The following PPM1H variants were observed in gnomAD, a reference collection of about 807,000 sequenced individuals.
PPM1H encodes the protein protein phosphatase, Mg2+/Mn2+ dependent 1H.
PPM1H carries 27 observed loss-of-function variants against 54.9 expected under a neutral mutation model. That is an observed-to-expected ratio of 0.49 (90% CI 0.36 to 0.68). The LOEUF is 0.68. Among genes scored for constraint, PPM1H ranks in the 30% least tolerant of loss-of-function variants. The pLI, the probability that PPM1H is intolerant of heterozygous loss-of-function variation, is 0.00. For synonymous variants in PPM1H, 305 were observed against 270.8 expected (o/e 1.13, Z -1.24); for missense variants, 596 against 667.8 (o/e 0.89, Z 1.19).
intron 1 of PPM1H, among the ~76,000 whole-genome samples, chr12:62,898,712 G>T (rs1335912691): frequency 6.6e-6 from 1 of 152,098 alleles, no homozygotes; most frequent in African/African-American, 2.4e-5. Flanking sequence ...AATTTATTTG[G>T]TAATTACCAA....
chr12:62,825,120 AACAC>A (rs1384142911), intron 2 of PPM1H, among the ~76,000 whole-genome samples: 5 of 152,224 alleles, frequency 3.3e-5, no homozygotes, highest in Admixed American at 3.3e-4. Context: ...TTATGCAGCC[AACAC>A]ACACATGAAA....
chr12:62,684,411 GA>G (rs1205024557), intron 8 of PPM1H, among the ~76,000 whole-genome samples: 3 of 152,218 alleles, frequency 2.0e-5, no homozygotes, highest in African/African-American at 7.2e-5. Flanking sequence ...CAGCGAAACT[GA>G]AAATGTGTTT....
intron 4 of PPM1H, chr12:62,756,010 G>A: frequency 7.2e-7 from 1 of 1,394,212 alleles, no homozygotes; most frequent in Non-Finnish European, 1.0e-6. Context: ...CAAGAAGGTG[G>A]TGAAGCAGGC....
chr12:62,701,680 G>GT (rs59870131), intron 6 of PPM1H, among the ~76,000 whole-genome samples: 2,719 of 143,462 alleles, frequency 0.019, 30 homozygotes, highest in Non-Finnish European at 0.026. Flanking sequence ...TTGTTTGTTT[G>GT]TTTTTTTTTT....
chr12:62,872,935 A>G (rs1870035690), intron 1 of PPM1H, among the ~76,000 whole-genome samples: 1 of 152,252 alleles, frequency 6.6e-6, no homozygotes, highest in Non-Finnish European at 1.5e-5. Flanking sequence ...ACATTTTCAA[A>G]GCATGTTTAT....
chr12:62,842,330 A>G (rs534245892), intron 1 of PPM1H, among the ~76,000 whole-genome samples: 3 of 152,316 alleles, frequency 2.0e-5, no homozygotes, highest in African/African-American at 7.2e-5. Context: ...AAATTTTTTT[A>G]AACAAAAAAT....
At chr12:62,690,288 G>A (rs1485986519) in intron 7 of PPM1H, among the ~76,000 whole-genome samples, 1 of 152,132 alleles carries the variant, frequency 6.6e-6, no homozygotes, top group Non-Finnish European at 1.5e-5. Context: ...CCTTAGTCCT[G>A]TGATATGTAC....
At chr12:62,661,075 T>C (rs1275918393) in intron 9 of PPM1H, among the ~76,000 whole-genome samples, 1 of 152,176 alleles carries the variant, frequency 6.6e-6, no homozygotes, top group African/African-American at 2.4e-5. Context: ...TCTGTTGACA[T>C]TCTGCTCCCC....
At chr12:62,823,735 G>T (rs192968874) in intron 2 of PPM1H, among the ~76,000 whole-genome samples, 69 of 152,186 alleles carry the variant, frequency 4.5e-4, no homozygotes, top group African/African-American at 1.3e-3. Context: ...ACCAGGTATC[G>T]ATGTAACTTA....
At chr12:62,858,605 C>T (rs949213522) in intron 1 of PPM1H, among the ~76,000 whole-genome samples, 8 of 152,304 alleles carry the variant, frequency 5.3e-5, no homozygotes, top group Middle Eastern at 3.4e-3. Context: ...TATAGTGTCC[C>T]GGCAGGTCTG....
At chr12:62,845,984 C>T (rs556620886) in intron 1 of PPM1H, among the ~76,000 whole-genome samples, 3 of 152,292 alleles carry the variant, frequency 2.0e-5, no homozygotes, top group South Asian at 4.1e-4. Flanking sequence ...TCTCAGCCTG[C>T]GGGGCTAAGT....
At chr12:62,673,885 CT>C (rs1375688207) in intron 8 of PPM1H, among the ~76,000 whole-genome samples, 1 of 151,482 alleles carries the variant, frequency 6.6e-6, no homozygotes, top group African/African-American at 2.4e-5. Context: ...ACCACCTATA[CT>C]TTTTTACTTT....
chr12:62,644,387 G>A lies in PPM1H; in HGVS notation c.*4102C>T, dbSNP rs1378124021. The A allele has an allele frequency of 6.6e-6, 1 of 152,186 alleles. No homozygotes were observed. Among genetic ancestry groups the A allele is most frequent in the Non-Finnish European group, 1.5e-5 (1 of 68,040 alleles). The allele number at this position is 152,186 out of a possible 1,614,324, so 9.4% of individuals were successfully genotyped here. On this transcript the variant is annotated 3_prime_UTR_variant, in exon 10 of 10. Coordinates refer to ENST00000228705, the MANE Select transcript of PPM1H (RefSeq NM_020700.2). ...GGAAACAAACACAAAATACTTGTGG[G>A]AGATCAGAAAAGTAGAGGACACAGG...
chr12:62,932,686 G>A (rs1872184228), intron 1 of PPM1H, among the ~76,000 whole-genome samples: 1 of 126,398 alleles, frequency 7.9e-6, no homozygotes, highest in African/African-American at 2.9e-5. Flanking sequence ...CCAGGCTGGA[G>A]TGCAATGGCG....
intron 6 of PPM1H, among the ~76,000 whole-genome samples, chr12:62,713,396 G>A (rs964344268): frequency 2.6e-5 from 4 of 152,122 alleles, no homozygotes; most frequent in Non-Finnish European, 4.4e-5. Context: ...GAAGGCTGCT[G>A]GGCTGCTTGA....
At chr12:62,866,397 T>A (rs1484075959) in intron 1 of PPM1H, among the ~76,000 whole-genome samples, 1 of 152,168 alleles carries the variant, frequency 6.6e-6, no homozygotes, top group Non-Finnish European at 1.5e-5. Flanking sequence ...CCCTCCTAAG[T>A]GTGGGCAAGA....
chr12:62,787,213 G>C (rs893108758), intron 4 of PPM1H, among the ~76,000 whole-genome samples: 1 of 152,158 alleles, frequency 6.6e-6, no homozygotes, highest in South Asian at 2.1e-4. Context: ...CTGGAGACAG[G>C]GAAGGGGAAA....
intron 4 of PPM1H, among the ~76,000 whole-genome samples, chr12:62,782,157 G>A (rs1382160535): frequency 6.6e-6 from 1 of 152,214 alleles, no homozygotes; most frequent in East Asian, 1.9e-4. Context: ...TCACTGGCAC[G>A]TGTGGATAGA....
At chr12:62,880,738 A>G (rs2121042021) in intron 1 of PPM1H, among the ~76,000 whole-genome samples, 1 of 152,142 alleles carries the variant, frequency 6.6e-6, no homozygotes, top group South Asian at 2.1e-4. Context: ...ACCTCAAAAC[A>G]TTTCTAAGTA....
Sources: gnomAD v4.1 joint callset for allele counts (sites outside exome capture counted in the v4.1 genomes callset) on GRCh38, gnomAD v4.1.1 for gene constraint, MANE v1.5 for transcripts, NCBI Gene and HGNC (gene_info 2026-07-23, HGNC 2026-07-21) for gene names.